Variants in TFDP2 observed in about 807,000 individuals in gnomAD.
The protein encoded by TFDP2 is transcription factor Dp-2, also known as transcription factor Dp-2 (E2F dimerization partner 2).
Under a neutral mutation model 59.3 loss-of-function variants are expected in TFDP2, and 17 were observed. That is an observed-to-expected ratio of 0.29 (90% CI 0.20 to 0.43). The LOEUF is 0.43. Ranked by LOEUF, TFDP2 falls within the 20% of genes least tolerant of loss-of-function variation. The pLI is 1.00. For missense variants in TFDP2, 391 were observed against 528.8 expected, an observed-to-expected ratio of 0.74 and a Z score of 2.56; for synonymous variants, 180 against 194.7, an observed-to-expected ratio of 0.92 and a Z score of 0.63.
At chr3:142,088,187 A>G (rs2060868236) in intron 3 of TFDP2, among the ~76,000 whole-genome samples, 1 of 152,222 alleles carries the variant, frequency 6.6e-6, no homozygotes, top group African/African-American at 2.4e-5. Context: ...TGAATCAATG[A>G]AAGAATGTGG....
intron 1 of TFDP2, among the ~76,000 whole-genome samples, chr3:142,115,150 C>A (rs1260476042): frequency 6.6e-6 from 1 of 151,978 alleles, no homozygotes; most frequent in Non-Finnish European, 1.5e-5. Flanking sequence ...TATATATATT[C>A]TTTTAAAAAC....
rs951870216 is a variant in TFDP2, at chr3:141,952,413, C to T, written c.*100G>A. On this transcript the variant is annotated 3_prime_UTR_variant, in exon 13 of 13. Transcript: ENST00000489671. The stretch of plus-strand genomic sequence containing the variant: ...TCTAGTTTTCACTGAACACACAGTG[C>T]AAACAAAGGCAAAGACTGAAGCAAT... 4 of 1,192,684 alleles carry T rather than the reference C, an allele frequency of 3.4e-6. No homozygotes were observed. Among genetic ancestry groups the T allele is most frequent in the African/African-American group, 3.2e-5 (2 of 63,102 alleles). The allele number at this position is 1,192,684 out of a possible 1,614,324, so 73.9% of individuals were successfully genotyped here.
At chr3:142,032,101 T>TC (rs146480407) in intron 3 of TFDP2, among the ~76,000 whole-genome samples, 10,545 of 148,534 alleles carry the variant, frequency 0.071, 466 homozygotes, top group Non-Finnish European at 0.11. Flanking sequence ...TCTCTCTCTC[T>TC]TTTTTTTTTA....
At chr3:142,102,454 G>A (rs1054947472) in intron 1 of TFDP2, among the ~76,000 whole-genome samples, 3 of 152,170 alleles carry the variant, frequency 2.0e-5, no homozygotes, top group Non-Finnish European at 4.4e-5. Flanking sequence ...GGGGAGATGA[G>A]AAATTCTTTG....
At chr3:142,003,288 C>G (rs1943960187) in intron 4 of TFDP2, among the ~76,000 whole-genome samples, 1 of 151,934 alleles carries the variant, frequency 6.6e-6, no homozygotes, top group South Asian at 2.1e-4. Context: ...CATGAGCCAC[C>G]ACACCCGGCA....
At chr3:142,117,416 A>C (rs1370304390) in intron 1 of TFDP2, among the ~76,000 whole-genome samples, 2 of 151,708 alleles carry the variant, frequency 1.3e-5, no homozygotes, top group African/African-American at 4.8e-5. Context: ...CTATAAGTCA[A>C]GCAGAAAAAA....
chr3:141,980,894 T>C (rs1310992811), intron 6 of TFDP2, among the ~76,000 whole-genome samples: 3 of 152,208 alleles, frequency 2.0e-5, no homozygotes, highest in Admixed American at 6.5e-5. Context: ...TTGAGAACAT[T>C]AAAAAGTTTA....
chr3:142,083,914 T>C (rs189605497), intron 3 of TFDP2, among the ~76,000 whole-genome samples: 22 of 152,254 alleles, frequency 1.4e-4, no homozygotes, highest in Non-Finnish European at 2.9e-4. Context: ...CAAGAAAACC[T>C]TGGGGAAAAT....
At chr3:142,139,727 G>A (rs1364562492) in intron 1 of TFDP2, among the ~76,000 whole-genome samples, 5 of 152,290 alleles carry the variant, frequency 3.3e-5, no homozygotes, top group South Asian at 2.1e-4. Flanking sequence ...GGTTTCTGCC[G>A]AGAGATCCGC....
In TFDP2 at chr3:142,132,660, G is replaced by A. The variant is rs1370315866; in HGVS notation, c.-93+16523C>T. 2.7e-5 allele frequency among the ~76,000 whole-genome samples: 4 copies of A among 147,462 alleles called. 1 individual carries two copies. Among genetic ancestry groups the A allele is most frequent in the African/African-American group, 7.9e-5 (3 of 37,994 alleles). ...CTTGGGAGGCTGAGGCAGGAGAATCGCTTGCACCCGGGAGGCAGAGGTTGC... is the reference window on the plus strand; with the variant it reads ...CTTGGGAGGCTGAGGCAGGAGAATCACTTGCACCCGGGAGGCAGAGGTTGC... On this transcript the variant is annotated intron_variant, in intron 1 of 12. Coordinates refer to ENST00000489671, the MANE Select transcript of TFDP2 (RefSeq NM_001178139.2).
intron 3 of TFDP2, among the ~76,000 whole-genome samples, chr3:142,030,642 A>G (rs985331204): frequency 2.6e-5 from 4 of 152,234 alleles, no homozygotes; most frequent in African/African-American, 9.6e-5. Context: ...ACCCAAGGCC[A>G]GAATATTCAG....
chr3:142,030,936 G>A (rs1343172829), intron 3 of TFDP2, among the ~76,000 whole-genome samples: 1 of 151,144 alleles, frequency 6.6e-6, no homozygotes, highest in Non-Finnish European at 1.5e-5. Flanking sequence ...TAGAGACAGG[G>A]TTTCACCGTT....
chr3:141,968,383 C>A (rs1938548737), intron 9 of TFDP2, among the ~76,000 whole-genome samples: 1 of 105,034 alleles, frequency 9.5e-6, no homozygotes, highest in Non-Finnish European at 1.9e-5. Context: ...ACATATATCT[C>A]ATATATATAA....
At chr3:142,141,930 G>T (rs1275109853) in intron 1 of TFDP2, among the ~76,000 whole-genome samples, 3 of 152,050 alleles carry the variant, frequency 2.0e-5, no homozygotes, top group African/African-American at 7.2e-5. Flanking sequence ...AAAAACTGGG[G>T]ATAGAAGGAA....
In TFDP2 at chr3:142,019,653, C is replaced by CT. The variant is rs1025698774; in HGVS notation, c.83-14110_83-14109insA. On this transcript the variant is annotated intron_variant, in intron 3 of 12. Transcript: ENST00000489671. ...TACTAAGATTATATTAAACACCCCCCCCAACATCTTCTTATACAATTTTAA... is the reference window on the plus strand; with the variant it reads ...TACTAAGATTATATTAAACACCCCCCTCCAACATCTTCTTATACAATTTTAA... Among the ~76,000 whole-genome samples the CT allele has an allele frequency of 3.2e-4, 48 of 151,012 alleles. 1 individual carries two copies. In the Middle Eastern group the frequency reaches 0.021, roughly 65 times the overall value.
intron 1 of TFDP2, among the ~76,000 whole-genome samples, chr3:142,140,582 T>C (rs11715339): frequency 6.6e-6 from 1 of 152,158 alleles, no homozygotes; most frequent in South Asian, 2.1e-4. Context: ...TTGATGCTAT[T>C]CCTTTCTGTT....
intron 1 of TFDP2, among the ~76,000 whole-genome samples, chr3:142,144,180 C>A (rs898298242): frequency 1.3e-5 from 2 of 152,144 alleles, no homozygotes; most frequent in African/African-American, 4.8e-5. Context: ...TCAAGACCAT[C>A]CTGGCCAAAA....
At chr3:142,111,690 C>G (rs376690694) in intron 1 of TFDP2, among the ~76,000 whole-genome samples, 4 of 152,074 alleles carry the variant, frequency 2.6e-5, no homozygotes, top group Admixed American at 1.3e-4. Flanking sequence ...TAATACGTGC[C>G]GAAAAACAAA....
rs1240453730 is a variant in TFDP2 at position 141,952,536 on chromosome 3, C to T, written c.1318G>A (p.Glu440Lys). 6.4e-7 allele frequency: 1 copy of T among 1,551,840 alleles called. No individual in the cohort carries two copies. Among genetic ancestry groups the T allele is most frequent in the Non-Finnish European group, 8.6e-7 (1 of 1,158,372 alleles). The change falls in exon 13 of 13, where the codon GAG becomes AAG. Residue 440 changes from glutamate to lysine, a missense_variant. Coordinates refer to ENST00000489671, the MANE Select transcript of TFDP2 (RefSeq NM_001178139.2). ...FNDEDEEDDE[E>K]DSSSPE ...CTTTATTCTGGGGAGGAGGAATCCT[C>T]CTCATCATCTTCCTCATCTTCATCA...
Sources: gnomAD v4.1 joint callset for allele counts (sites outside exome capture counted in the v4.1 genomes callset) on GRCh38, gnomAD v4.1.1 for gene constraint, MANE v1.5 for transcripts, NCBI Gene and HGNC (gene_info 2026-07-23, HGNC 2026-07-21) for gene names.